The following BCR variants were observed in gnomAD, a reference collection of about 807,000 sequenced individuals.
BCR encodes the protein BCR activator of RhoGEF and GTPase.
BCR carries 58 observed loss-of-function variants against 138.6 expected under a neutral mutation model. The ratio of observed to expected loss-of-function variants is 0.42; its 90% CI spans 0.34 to 0.52. The LOEUF is 0.52. Among genes scored for constraint, BCR ranks in the 20% least tolerant of loss-of-function variants. BCR has a pLI of 0.06. For missense variants in BCR, 1,599 were observed against 1,727.2 expected (o/e 0.93, Z 1.32); for synonymous variants, 786 against 730.1 (o/e 1.08, Z -1.23).
intron 1 of BCR, among the ~76,000 whole-genome samples, chr22:23,249,349 G>A (rs1444908530): frequency 2.0e-5 from 3 of 151,340 alleles, no homozygotes; most frequent in East Asian, 1.9e-4. Context: ...GGAGAATGGC[G>A]TGAACCCGGA....
At chr22:23,268,299 CG>C in intron 4 of BCR, 108 bp from the exon 5 acceptor site, 1 of 836,184 alleles carries the variant, frequency 1.2e-6, no homozygotes, top group Non-Finnish European at 1.8e-6. Flanking sequence ...GCCTGTGTGC[CG>C]TCTGCTGTCC....
chr22:23,187,645 CT>C (rs975813744), intron 1 of BCR, among the ~76,000 whole-genome samples: 4 of 151,958 alleles, frequency 2.6e-5, no homozygotes, highest in Admixed American at 2.0e-4. Context: ...CCTCCTTTTT[CT>C]TTTTTTCCCC....
chr22:23,187,705 A>G (rs930012815), intron 1 of BCR, among the ~76,000 whole-genome samples: 2 of 152,094 alleles, frequency 1.3e-5, no homozygotes, highest in Non-Finnish European at 2.9e-5. Flanking sequence ...ATATTTTGAT[A>G]CATATCTGCA....
At chr22:23,303,166 A>G (rs1245609418) in intron 16 of BCR, among the ~76,000 whole-genome samples, 3 of 152,148 alleles carry the variant, frequency 2.0e-5, no homozygotes, top group Non-Finnish European at 4.4e-5. Flanking sequence ...TAAACAATGT[A>G]TTATTACATA....
rs75995641 is a variant in BCR, at chr22:23,256,607, A to G, written c.1461+2627A>G. ...GGGTCCTTTCTCCAGCAGCTGTGCT[A>G]GCTACACACTCCCAGCCCAGAGCAG... On this transcript the variant is annotated intron_variant, in intron 2 of 22. Transcript: ENST00000305877. Among the ~76,000 whole-genome samples the G allele has an allele frequency of 2.9e-3, 449 of 152,208 alleles. 5 individuals are homozygous for G. The highest frequency in any genetic ancestry group is 0.01 in the African/African-American group (425 of 41,540).
At chr22:23,299,794 C>A (rs1421805419) in intron 16 of BCR, among the ~76,000 whole-genome samples, 1 of 152,030 alleles carries the variant, frequency 6.6e-6, no homozygotes, top group Non-Finnish European at 1.5e-5. Flanking sequence ...TGCCCTCTCA[C>A]AGATGAAGGT....
chr22:23,315,566 C>T lies in BCR; in HGVS notation c.*44C>T, dbSNP rs1419080110. On this transcript the variant is annotated 3_prime_UTR_variant, in exon 23 of 23. Transcript: ENST00000305877. ...TGGAGGCGGACAGATGGCCTGGAAA[C>T]CTCTGGCTAATCGGGCCATCCGTAG... The T allele has an allele frequency of 6.3e-7, 1 of 1,579,560 alleles. No individual in the cohort carries two copies. Among genetic ancestry groups the T allele is most frequent in the Non-Finnish European group, 8.7e-7 (1 of 1,151,164 alleles).
chr22:23,279,831 T>C (rs1262540613), intron 8 of BCR, among the ~76,000 whole-genome samples: 1 of 152,114 alleles, frequency 6.6e-6, no homozygotes. Flanking sequence ...TGTAACAAAG[T>C]ATCATCTGCT....
At chr22:23,268,356 G>C in intron 4 of BCR, 52 bp from the exon 5 acceptor site, 2 of 1,446,630 alleles carry the variant, frequency 1.4e-6, no homozygotes, top group Non-Finnish European at 1.9e-6. Flanking sequence ...TCTTCAGAAA[G>C]ATGGGGGAGC....
intron 21 of BCR, 66 bp from the exon 22 acceptor site, chr22:23,314,486 C>A (rs1293385103): frequency 6.3e-6 from 10 of 1,577,032 alleles, no homozygotes; most frequent in South Asian, 3.4e-5. Flanking sequence ...CCAGCACAGC[C>A]CAGCCCCTCT....
Position 23,181,587 on chromosome 22 carries a change from G to C in BCR, c.627G>C (p.Gln209His), listed in dbSNP as rs1441566286. The change falls in exon 1 of 23, where the codon CAG (glutamine) becomes CAC (histidine). Residue 209 changes from glutamine (Q) to histidine (H), a missense_variant. Coordinates refer to ENST00000305877, the MANE Select transcript of BCR (RefSeq NM_004327.4). Reference protein sequence around the residue: ...RISSLGSQAMQMERKKSQHGA... With the variant: ...RISSLGSQAMHMERKKSQHGA... ...GCTCCCTGGGCAGCCAGGCCATGCA[G>C]ATGGAGCGCAAAAAGTCCCAGCACG... 1 of 1,612,842 alleles carries C rather than the reference G, an allele frequency of 6.2e-7. No homozygotes were observed. The highest frequency in any genetic ancestry group is 8.5e-7 in the Non-Finnish European group (1 of 1,179,994).
intron 8 of BCR, 60 bp from the exon 9 acceptor site, chr22:23,283,917 G>T: frequency 6.7e-7 from 1 of 1,490,552 alleles, no homozygotes; most frequent in South Asian, 1.3e-5. Flanking sequence ...TGGGAGGGCC[G>T]AACACCCCCC....
chr22:23,289,930 C>G, intron 13 of BCR: 1 of 518,914 alleles, frequency 1.9e-6, no homozygotes, highest in Non-Finnish European at 3.5e-6. Flanking sequence ...TCCCGTCCTC[C>G]CAGCCCTCCT....
chr22:23,290,243 T>C, intron 13 of BCR, 96 bp from the exon 14 acceptor site: 1 of 1,237,670 alleles, frequency 8.1e-7, no homozygotes, highest in South Asian at 1.2e-5. Flanking sequence ...AGCCACACAG[T>C]GTCCACCGGA....
At chr22:23,186,459 T>G (rs1479239086) in intron 1 of BCR, among the ~76,000 whole-genome samples, 2 of 152,230 alleles carry the variant, frequency 1.3e-5, no homozygotes, top group African/African-American at 4.8e-5. Context: ...GTTGACTACA[T>G]TCACATTGTT....
chr22:23,208,307 T>C lies in BCR; in HGVS notation c.1279+26068T>C, dbSNP rs186134334. ...CACCTGTGCCGTGTCTGTGTGACAC[T>C]GAAGCTCTGTCTGGTGCGGGTTGAA... On this transcript the variant is annotated intron_variant, in intron 1 of 22. Transcript: ENST00000305877. Among the ~76,000 whole-genome samples the C allele has an allele frequency of 1.1e-4, 17 of 152,290 alleles. No individual in the cohort carries two copies. In the East Asian group the frequency reaches 2.1e-3, roughly 19 times the overall value.
At chr22:23,262,896 G>A in intron 4 of BCR, 1 of 1,078,586 alleles carries the variant, frequency 9.3e-7, no homozygotes, top group African/African-American at 1.7e-5. Context: ...GGGGGCTGAG[G>A]CGGGAGCGAG....
chr22:23,219,077 A>T (rs1222889691), intron 1 of BCR, among the ~76,000 whole-genome samples: 1 of 152,206 alleles, frequency 6.6e-6, no homozygotes, highest in African/African-American at 2.4e-5. Context: ...CAATGGATGG[A>T]TGGATGGACG....
intron 1 of BCR, among the ~76,000 whole-genome samples, chr22:23,221,015 G>T (rs1237283891): frequency 6.6e-6 from 1 of 152,138 alleles, no homozygotes. Flanking sequence ...GATTTGGAGA[G>T]GTGATGGCCT....
Sources: allele counts gnomAD v4.1 joint callset (sites outside exome capture counted in the v4.1 genomes callset), GRCh38; gene constraint gnomAD v4.1.1; transcripts MANE v1.5; gene names NCBI Gene and HGNC (gene_info 2026-07-23, HGNC 2026-07-21).